TBCD: variants seen among roughly 807,000 people sequenced by gnomAD.
The protein encoded by TBCD is tubulin folding cofactor D.
TBCD carries 105 observed loss-of-function variants against 169.3 expected under a neutral mutation model. That is an observed-to-expected ratio of 0.62 (90% CI 0.53 to 0.73). The LOEUF is 0.73. TBCD is among the 30% of genes least tolerant of loss of function. The pLI, the probability that TBCD is intolerant of heterozygous loss-of-function variation, is 0.00. For missense variants in TBCD, 1,444 were observed against 1,600.1 expected (o/e 0.90, Z 1.66); for synonymous variants, 700 against 643.9 (o/e 1.09, Z -1.32).
intron 33 of TBCD, among the ~76,000 whole-genome samples, chr17:82,932,395 G>A (rs1311391056): frequency 1.3e-5 from 2 of 152,192 alleles, no homozygotes; most frequent in Non-Finnish European, 1.5e-5. Context: ...TCCTGTGCCC[G>A]ACGTGTTTGC....
intron 9 of TBCD, among the ~76,000 whole-genome samples, chr17:82,802,054 G>A (rs902795075): frequency 2.7e-5 from 3 of 109,608 alleles, no homozygotes; most frequent in Non-Finnish European, 4.1e-5. Context: ...TCCCTGGTGT[G>A]GACGCGCTGT....
chr17:82,781,476 A>T (rs1180633597), intron 6 of TBCD, 113 bp from the exon 7 acceptor site: 11 of 1,361,434 alleles, frequency 8.1e-6, no homozygotes, highest in East Asian at 2.4e-5. Flanking sequence ...ATCTTGGTGT[A>T]AGGGTGCGTG....
Position 82,941,436 on chromosome 17 carries a change from C to G in TBCD, c.3517C>G (p.Arg1173Gly). ...TGCAGTGGTGAGAGAGCAGCGCAAC[C>G]GTCTGTGTGACCTTCTGGGCGTACC... ...ELAVVREQRNRLCDLLGVPRP... is the reference protein window; with the variant it reads ...ELAVVREQRNGLCDLLGVPRP... Residue 1173 changes from arginine (R) to glycine (G), a missense_variant, in exon 38 of 39, where the codon CGT (arginine) becomes GGT (glycine). Coordinates refer to ENST00000355528, the MANE Select transcript of TBCD (RefSeq NM_005993.5). 3 of 1,602,862 alleles carry G rather than the reference C, an allele frequency of 1.9e-6. No individual in the cohort carries two copies. The South Asian group carries it at 3.4e-5, about 18-fold the overall frequency.
At chr17:82,873,568 GGAGAGAAAAGTCAC>G (rs2057760696) in intron 14 of TBCD, among the ~76,000 whole-genome samples, 7 of 152,230 alleles carry the variant, frequency 4.6e-5, no homozygotes, top group Non-Finnish European at 1.0e-4. Flanking sequence ...AGCTGGGGCC[GGAGAGAAAAGTCAC>G]GAGCAAGAAA....
chr17:82,839,420 C>T (rs2054272017), intron 13 of TBCD, among the ~76,000 whole-genome samples: 1 of 151,602 alleles, frequency 6.6e-6, no homozygotes, highest in Non-Finnish European at 1.5e-5. Flanking sequence ...AAATTCAGCC[C>T]TAATGTACAT....
intron 13 of TBCD, among the ~76,000 whole-genome samples, chr17:82,847,129 A>T (rs1170301375): frequency 1.3e-5 from 2 of 152,110 alleles, no homozygotes; most frequent in Non-Finnish European, 2.9e-5. Context: ...AGGTGGGCGG[A>T]TCATGAGGTC....
At chr17:82,869,574 A>G (rs1389800461) in intron 13 of TBCD, among the ~76,000 whole-genome samples, 2 of 152,144 alleles carry the variant, frequency 1.3e-5, no homozygotes, top group East Asian at 3.9e-4. Context: ...TTACCCATTA[A>G]CCCACTTTTG....
intron 14 of TBCD, among the ~76,000 whole-genome samples, chr17:82,876,479 G>C (rs1424052499): frequency 1.3e-5 from 2 of 152,202 alleles, no homozygotes; most frequent in Non-Finnish European, 2.9e-5. Flanking sequence ...TGGGTGTCCT[G>C]TTGGAGTAGT....
chr17:82,823,025 G>T (rs1355532552), intron 13 of TBCD, among the ~76,000 whole-genome samples: 1 of 152,244 alleles, frequency 6.6e-6, no homozygotes, highest in Non-Finnish European at 1.5e-5. Context: ...TAGGAGAGGA[G>T]TCCGATTCTG....
intron 7 of TBCD, among the ~76,000 whole-genome samples, chr17:82,796,592 C>G (rs1343315187): frequency 6.6e-6 from 1 of 152,234 alleles, no homozygotes; most frequent in African/African-American, 2.4e-5. Context: ...AGACCCTGCT[C>G]TGCTCCACAG....
Position 82,831,841 on chromosome 17 carries a change from T to G in TBCD, c.1318+16907T>G. ...GAAAGGTGAGCCGGCTTTCCAGGGGTAGCCAGGAGTGTGGAAGGCCGACTT... is the reference window on the plus strand; with the variant it reads ...GAAAGGTGAGCCGGCTTTCCAGGGGGAGCCAGGAGTGTGGAAGGCCGACTT... On this transcript the variant is annotated intron_variant, in intron 13 of 38. Transcript: ENST00000355528. The surrounding 1 kb of genome is among the most constrained non-coding windows in gnomAD (Gnocchi z 4.6). 6.2e-7 allele frequency: 1 copy of G among 1,613,992 alleles called. No individual in the cohort carries two copies. Among genetic ancestry groups the G allele is most frequent in the Non-Finnish European group, 8.5e-7 (1 of 1,179,972 alleles).
chr17:82,752,097 C>G lies in TBCD; in HGVS notation c.-97C>G, dbSNP rs1432396151. The G allele has an allele frequency of 5.3e-6, 7 of 1,311,678 alleles. No individual in the cohort carries two copies. Among genetic ancestry groups the G allele is most frequent in the Admixed American group, 8.0e-5 (2 of 25,046 alleles). The allele number at this position is 1,311,678 out of a possible 1,614,324, so 81.3% of individuals were successfully genotyped here. On this transcript the variant is annotated 5_prime_UTR_variant, in exon 1 of 39. Transcript: ENST00000355528. The stretch of plus-strand genomic sequence containing the variant: ...TCGGTTGCCGCCTTAGCGGGCGCCT[C>G]CTTTTCATCCCTCATCCTTCATCCC...
chr17:82,927,988 CGTGA>C lies in TBCD; in HGVS notation c.2693+4_2693+7del. The C allele has an allele frequency of 6.2e-7, 1 of 1,609,698 alleles. No homozygotes were observed. The highest frequency in any genetic ancestry group is 8.5e-7 in the Non-Finnish European group (1 of 1,179,138). On this transcript the variant is annotated splice_donor_variant and splice_donor_region_variant and intron_variant, in intron 30 of 38. Transcript: ENST00000355528. LOFTEE classifies it high-confidence loss of function. ...CAGCCTGAGCTGATCGAGGCCCATA[CGTGA>C]GTGTCACGTCGCAGCTCTTCTGCAT... is the stretch of plus-strand genomic sequence containing the variant.
chr17:82,781,311 G>A (rs1239250309), intron 6 of TBCD, among the ~76,000 whole-genome samples: 1 of 142,584 alleles, frequency 7.0e-6, no homozygotes, highest in Admixed American at 7.0e-5. Flanking sequence ...GGGTGGAGGG[G>A]GCAGGCGGGG....
chr17:82,901,743 C>A (rs895218886), intron 18 of TBCD, among the ~76,000 whole-genome samples: 1 of 152,186 alleles, frequency 6.6e-6, no homozygotes, highest in Non-Finnish European at 1.5e-5. Flanking sequence ...AAAGGAACTC[C>A]TGGGTAGCAC....
intron 19 of TBCD, among the ~76,000 whole-genome samples, chr17:82,904,264 G>A (rs1356896197): frequency 1.4e-5 from 2 of 142,546 alleles, no homozygotes; most frequent in African/African-American, 5.3e-5. Flanking sequence ...ACACTCCTTG[G>A]TCTCTAGGTG....
chr17:82,938,888 AGCG>A (rs2062870072), intron 36 of TBCD, among the ~76,000 whole-genome samples: 1 of 91,818 alleles, frequency 1.1e-5, no homozygotes. Flanking sequence ...GTTAATAGAT[AGCG>A]GGCGAGATTG....
intron 22 of TBCD, 116 bp from the exon 23 acceptor site, chr17:82,911,642 C>G (rs1173406238): frequency 1.9e-6 from 2 of 1,028,724 alleles, no homozygotes; most frequent in Admixed American, 2.0e-5. Context: ...GTAACACATT[C>G]AACTAGTTCT....
intron 13 of TBCD, among the ~76,000 whole-genome samples, chr17:82,827,998 C>T (rs950867829): frequency 1.3e-5 from 2 of 148,636 alleles, no homozygotes; most frequent in Admixed American, 6.7e-5. Context: ...CAATCGAACG[C>T]ACACACACCT....
Sources: gnomAD v4.1 joint callset for allele counts (sites outside exome capture counted in the v4.1 genomes callset) on GRCh38, gnomAD v4.1.1 for gene constraint, Gnocchi (gnomAD v3.1) non-coding constraint, MANE v1.5 for transcripts, NCBI Gene and HGNC (gene_info 2026-07-23, HGNC 2026-07-21) for gene names.